THSD7B: variants seen among roughly 807,000 people sequenced by gnomAD.
THSD7B encodes the protein thrombospondin type-1 domain-containing protein 7B.
Under a neutral mutation model 213.6 loss-of-function variants are expected in THSD7B, and 138 were observed. The observed-to-expected ratio is 0.65, with a 90% CI of 0.56 to 0.74. THSD7B has a LOEUF of 0.74. Ranked by LOEUF, THSD7B falls within the 30% of genes least tolerant of loss-of-function variation. The probability of loss-of-function intolerance (pLI) is 0.00; values close to 1 mark genes in which losing one functional copy is unlikely to be tolerated. For missense variants in THSD7B, 1,931 were observed against 1,991.5 expected (o/e 0.97, Z 0.58); for synonymous variants, 742 against 687.0 (o/e 1.08, Z -1.25).
chr2:137,056,960 A>G lies in THSD7B; in HGVS notation c.680A>G (p.Asp227Gly), dbSNP rs1200869870. Residue 227 changes from aspartate (D) to glycine (G), a missense_variant, in exon 3 of 28, where the codon GAT becomes GGT. Coordinates refer to ENST00000409968, the MANE Select transcript of THSD7B (RefSeq NM_001316349.2). ...AATCTGACTGAGTCAAGAGCCTGTG[A>G]TGCTCCCATTTCCTGTCCTCTTGGG... is the stretch of plus-strand genomic sequence containing the variant. ...CPNLTESRAC[D>G]APISCPLGEE... 1 of 1,613,882 alleles carries G rather than the reference A, an allele frequency of 6.2e-7. No individual in the cohort carries two copies. The highest frequency in any genetic ancestry group is 2.2e-5 in the East Asian group (1 of 44,864).
chr2:137,359,867 T>C (rs1685214430), intron 12 of THSD7B, among the ~76,000 whole-genome samples: 1 of 152,142 alleles, frequency 6.6e-6, no homozygotes, highest in Non-Finnish European at 1.5e-5. Context: ...CACAAACACA[T>C]ACAGGCTCAC....
chr2:137,196,724 T>C (rs1680773249), intron 7 of THSD7B, among the ~76,000 whole-genome samples: 1 of 152,180 alleles, frequency 6.6e-6, no homozygotes, highest in South Asian at 2.1e-4. Flanking sequence ...TATACAATTA[T>C]CTTCAGCTAT....
At chr2:136,823,195 A>G (rs1055596436) in intron 1 of THSD7B, among the ~76,000 whole-genome samples, 27 of 152,198 alleles carry the variant, frequency 1.8e-4, no homozygotes, top group Admixed American at 6.5e-5. Context: ...GATAAAGGCA[A>G]GGAGATGATG....
chr2:137,028,237 T>G (rs1396321183), intron 2 of THSD7B, among the ~76,000 whole-genome samples: 1 of 152,184 alleles, frequency 6.6e-6, no homozygotes, highest in Non-Finnish European at 1.5e-5. Flanking sequence ...AAGACTCAAG[T>G]ATGAGCATAT....
chr2:137,579,319 A>G (rs1681526393), intron 17 of THSD7B, among the ~76,000 whole-genome samples: 1 of 152,166 alleles, frequency 6.6e-6, no homozygotes, highest in African/African-American at 2.4e-5. Context: ...TTACACTGAG[A>G]CATTGGTTTT....
chr2:136,773,797 T>C (rs1220449661), intron 1 of THSD7B, among the ~76,000 whole-genome samples: 1 of 151,886 alleles, frequency 6.6e-6, no homozygotes, highest in Non-Finnish European at 1.5e-5. Flanking sequence ...TAGTAGAGGG[T>C]TTCCTTTTAA....
chr2:136,954,714 C>CAAAAAAAAAAAAAAAAAA (rs11378111), intron 2 of THSD7B, among the ~76,000 whole-genome samples: 14 of 89,398 alleles, frequency 1.6e-4, no homozygotes, highest in African/African-American at 7.8e-4. Flanking sequence ...GACTCTGTCT[C>CAAAAAAAAAAAAAAAAAA]AAAAAAAAAA....
Position 137,097,714 on chromosome 2 carries a change from C to G in THSD7B, c.1199+2593C>G, listed in dbSNP as rs190207020. ...TCTGAAAATAGAGGCTGACAGACTT[C>G]ACTGGTGATGATCCTGGCCCTCTAG... On this transcript the variant is annotated intron_variant, in intron 4 of 27. Transcript: ENST00000409968. Among the ~76,000 whole-genome samples the G allele has an allele frequency of 2.1e-4, 32 of 151,656 alleles. 1 individual carries two copies. The highest frequency in any genetic ancestry group is 9.9e-4 in the Admixed American group (15 of 15,216).
chr2:137,202,983 A>T (rs1272294486), intron 7 of THSD7B, among the ~76,000 whole-genome samples: 1 of 152,038 alleles, frequency 6.6e-6, no homozygotes, highest in Non-Finnish European at 1.5e-5. Context: ...TAGATATGTG[A>T]TACACAAATA....
intron 15 of THSD7B, among the ~76,000 whole-genome samples, chr2:137,519,542 C>T (rs1375483841): frequency 6.6e-6 from 1 of 152,140 alleles, no homozygotes. Flanking sequence ...CAGAATGTCT[C>T]ACTTCTTACT....
intron 16 of THSD7B, among the ~76,000 whole-genome samples, chr2:137,567,149 T>C (rs1029610418): frequency 6.7e-6 from 1 of 150,026 alleles, no homozygotes; most frequent in African/African-American, 2.5e-5. Context: ...TATTTTATTT[T>C]ATTTTATTTT....
intron 1 of THSD7B, among the ~76,000 whole-genome samples, chr2:136,769,265 T>TA (rs1409584279): frequency 6.6e-6 from 1 of 152,230 alleles, no homozygotes; most frequent in Non-Finnish European, 1.5e-5. Context: ...TTCCTACATT[T>TA]ATGCTTTCAT....
chr2:136,805,891 G>A (rs1331927412), intron 1 of THSD7B, among the ~76,000 whole-genome samples: 4 of 152,176 alleles, frequency 2.6e-5, no homozygotes, highest in African/African-American at 9.7e-5. Context: ...CAAGGGTGCT[G>A]CACTATTCCT....
At chr2:137,270,122 A>T (rs1682698491) in intron 10 of THSD7B, among the ~76,000 whole-genome samples, 1 of 152,210 alleles carries the variant, frequency 6.6e-6, no homozygotes. Flanking sequence ...GCCCCTCCAT[A>T]GGAACTGTGG....
chr2:136,873,243 A>T (rs1168415342), intron 1 of THSD7B, among the ~76,000 whole-genome samples: 2 of 152,150 alleles, frequency 1.3e-5, no homozygotes, highest in Admixed American at 6.5e-5. Context: ...ACACCAAGCT[A>T]TTGCAATTAT....
At chr2:137,282,311 G>C (rs1475143715) in intron 12 of THSD7B, among the ~76,000 whole-genome samples, 1 of 152,026 alleles carries the variant, frequency 6.6e-6, no homozygotes, top group Non-Finnish European at 1.5e-5. Flanking sequence ...TTAGCCCTTT[G>C]TCAGATGAGT....
At chr2:137,169,037 C>T (rs1415797139) in intron 6 of THSD7B, among the ~76,000 whole-genome samples, 3 of 151,032 alleles carry the variant, frequency 2.0e-5, no homozygotes, top group Non-Finnish European at 4.4e-5. Context: ...TTTTTTTAAC[C>T]GCTCTGATCT....
intron 1 of THSD7B, among the ~76,000 whole-genome samples, chr2:136,826,543 C>G (rs1682648938): frequency 6.6e-6 from 1 of 152,178 alleles, no homozygotes; most frequent in East Asian, 1.9e-4. Context: ...CAGGCTCTTT[C>G]TTCTCTCTTC....
intron 9 of THSD7B, among the ~76,000 whole-genome samples, chr2:137,238,543 T>C (rs957533971): frequency 9.4e-6 from 1 of 106,928 alleles, no homozygotes; most frequent in South Asian, 3.8e-4. Context: ...TCTTTTTTTT[T>C]TTTTTTTTTT....
Sources: allele counts gnomAD v4.1 joint callset (sites outside exome capture counted in the v4.1 genomes callset), GRCh38; gene constraint gnomAD v4.1.1; transcripts MANE v1.5; gene names NCBI Gene and HGNC (gene_info 2026-07-23, HGNC 2026-07-21).